Variants in BSG observed in about 807,000 individuals in gnomAD.
The protein encoded by BSG is basigin (Ok blood group), also known as basigin.
In BSG, 37 loss-of-function variants were observed where a neutral mutation model predicts 43.1. The ratio of observed to expected loss-of-function variants is 0.86; its 90% CI spans 0.66 to 1.13. The LOEUF (loss-of-function observed/expected upper bound fraction) is 1.13. Among genes scored for constraint, BSG ranks in the 50% most tolerant of loss-of-function variants. The pLI is 0.00. For missense variants in BSG, 599 were observed against 554.2 expected, an observed-to-expected ratio of 1.08 and a Z score of -0.81; for synonymous variants, 309 against 238.7, an observed-to-expected ratio of 1.29 and a Z score of -2.72.
rs1171561751 is a variant in BSG at position 582,409 on chromosome 19, C to T, written c.1094+79C>T. ...GCCTTTAAAACACAAAGGCAGAGCC[C>T]CTGGGCTTCAGTATTCGGGGGTCCT... is the stretch of plus-strand genomic sequence containing the variant. On this transcript the variant is annotated intron_variant, in intron 7 of 8. Coordinates refer to ENST00000333511, the MANE Select transcript of BSG (RefSeq NM_001728.4). 9.4e-6 allele frequency: 15 copies of T among 1,599,010 alleles called. No homozygotes were observed. In the East Asian group the frequency reaches 1.8e-4, roughly 19 times the overall value.
At chr19:577,105 C>G (rs534273085) in intron 1 of BSG, among the ~76,000 whole-genome samples, 1 of 152,294 alleles carries the variant, frequency 6.6e-6, no homozygotes, top group African/African-American at 2.4e-5. Context: ...GAGTGCTAGG[C>G]ACAGTGTGAG....
upstream of BSG, chr19:571,579 G>C: frequency 1.3e-6 from 1 of 779,528 alleles, no homozygotes; most frequent in East Asian, 2.4e-5. Flanking sequence ...CCCCAAGAAA[G>C]GTAACCGCCA....
chr19:572,592 C>CGGT (rs1487562628), upstream of BSG: 3 of 1,449,002 alleles, frequency 2.1e-6, no homozygotes, highest in Non-Finnish European at 2.7e-6. Flanking sequence ...CGGGCGGCGG[C>CGGT]GGCAGCGGTT....
At chr19:578,478 C>G (rs527988792) in intron 2 of BSG, among the ~76,000 whole-genome samples, 6 of 152,408 alleles carry the variant, frequency 3.9e-5, no homozygotes, top group African/African-American at 1.4e-4. Context: ...CCAAGCTCAG[C>G]CCAGGCTTGC....
Position 580,660 on chromosome 19 carries a change from A to G in BSG, c.670A>G (p.Lys224Glu). ...CCTCCTGTCAGGGCCTCCCAGAGTG[A>G]AGGCTGTGAAGTCGTCAGAACACAT... ...NIQLHGPPRV[K>E]AVKSSEHINE... Residue 224 changes from lysine (K) to glutamate (E), a missense_variant, in exon 5 of 9, where the codon AAG becomes GAG. By Grantham distance (56) the Lys-to-Glu change is moderately conservative (BLOSUM62 1). Coordinates refer to ENST00000333511, the MANE Select transcript of BSG (RefSeq NM_001728.4). The G allele has an allele frequency of 6.2e-7, 1 of 1,612,804 alleles. No homozygotes were observed. Among genetic ancestry groups the G allele is most frequent in the Non-Finnish European group, 8.5e-7 (1 of 1,179,938 alleles).
In BSG at chr19:582,502, C is replaced by T. The variant is rs750647954; in HGVS notation, c.1095-12C>T. 5.0e-6 allele frequency: 8 copies of T among 1,607,280 alleles called. No homozygotes were observed. In the South Asian group the frequency reaches 7.8e-5, roughly 16 times the overall value. On this transcript the variant is annotated splice_polypyrimidine_tract_variant and intron_variant, in intron 7 of 8. Transcript: ENST00000333511. Reference sequence around the variant, plus strand: ...CGGGGGACACCCTCTCACCCGGCCCCTCGTGCCCCAGGAAGAGCAGCGGGC... The same window carrying T: ...CGGGGGACACCCTCTCACCCGGCCCTTCGTGCCCCAGGAAGAGCAGCGGGC...
chr19:578,143 C>A, intron 2 of BSG, 22 bp downstream of exon 2: 2 of 1,508,146 alleles, frequency 1.3e-6, no homozygotes, highest in Non-Finnish European at 1.8e-6. Context: ...GCACCTCCCT[C>A]CCCGCCTCCC....
chr19:571,429 A>C (rs1357650787), upstream of BSG: 3 of 732,308 alleles, frequency 4.1e-6, no homozygotes, highest in Non-Finnish European at 7.5e-6. Flanking sequence ...CCCAATAGCG[A>C]CTTTTCTCAC....
chr19:573,501 T>C (rs1171949912), intron 1 of BSG, among the ~76,000 whole-genome samples: 1 of 152,178 alleles, frequency 6.6e-6, no homozygotes, highest in Non-Finnish European at 1.5e-5. Context: ...CCTGGCGTCT[T>C]GCCTAGGGCG....
chr19:580,356 T>TCACCTGCCTGCTGTGGTTGCA (rs765327178), intron 3 of BSG, 23 bp from the exon 4 acceptor site: 2 of 1,607,672 alleles, frequency 1.2e-6, no homozygotes, highest in Admixed American at 3.3e-5. Context: ...GGTACGCGGC[T>TCACCTGCCTGCTGTGGTTGCA]CACCTGCCTG....
upstream of BSG, chr19:572,521 CG>C (rs1335128883): frequency 5.7e-6 from 7 of 1,236,388 alleles, no homozygotes; most frequent in Non-Finnish European, 7.1e-6. Flanking sequence ...GCCCCGCCCC[CG>C]AGATGACGCC....
At chr19:579,232 G>A (rs1299554191) in intron 2 of BSG, 1 of 572,272 alleles carries the variant, frequency 1.7e-6, no homozygotes, top group Non-Finnish European at 3.3e-6. Context: ...CTTAGCCCAG[G>A]GCCCGCCAGC....
At chr19:574,400 A>C (rs918761611) in intron 1 of BSG, among the ~76,000 whole-genome samples, 4 of 152,042 alleles carry the variant, frequency 2.6e-5, no homozygotes, top group African/African-American at 9.7e-5. Context: ...AAAAATACAA[A>C]AAATTAGCCT....
In BSG at chr19:572,634, C is replaced by T. The variant is rs756456573; in HGVS notation, c.-1C>T. ...TGTAGGACCGGCGAGGAATAGGAAT[C>T]ATGGCGGCTGCGCTGTTCGTGCTGC... On this transcript the variant is annotated 5_prime_UTR_variant, in exon 1 of 9. Coordinates refer to ENST00000333511, the MANE Select transcript of BSG (RefSeq NM_001728.4). The T allele has an allele frequency of 5.1e-5, 76 of 1,499,666 alleles. 1 individual carries two copies. In the Middle Eastern group the frequency reaches 6.8e-4, roughly 14 times the overall value. The allele number at this position is 1,499,666 out of a possible 1,614,324, so 92.9% of individuals were successfully genotyped here. A position where few individuals can be genotyped will look rare whatever the true frequency, so the allele number is the denominator to read the frequency against.
chr19:580,081 G>T (rs980452742), intron 3 of BSG: 1 of 451,276 alleles, frequency 2.2e-6, no homozygotes, highest in African/African-American at 2.0e-5. Flanking sequence ...AGAGCCTTTT[G>T]TTTTCAGGCT....
At position 581,359 on chromosome 19, in the gene BSG, G is replaced by T. The variant is rs201497117; in HGVS notation, c.837G>T (p.Ser279=). The T allele has an allele frequency of 2.5e-6, 4 of 1,612,736 alleles. No individual in the cohort carries two copies. The highest frequency in any genetic ancestry group is 1.7e-5 in the Admixed American group (1 of 60,012). The part of the protein sequence containing the change: ...GSESRFFVSS[S]QGRSELHIEN... The stretch of plus-strand genomic sequence containing the variant: ...AGAGCAGGTTCTTCGTGAGTTCCTC[G>T]CAGGGCCGGTCAGAGCTACACATTG... The change falls in exon 6 of 9, where the codon TCG becomes TCT. Residue 279 remains serine, a synonymous_variant. Transcript: ENST00000333511.
At chr19:580,245 TC>T in intron 3 of BSG, 133 bp from the exon 4 acceptor site, 1 of 751,462 alleles carries the variant, frequency 1.3e-6, no homozygotes. Flanking sequence ...CCCCAGGAGT[TC>T]TTTTGAGGTT....
chr19:579,769 G>A (rs1982123596), intron 3 of BSG, 113 bp downstream of exon 3: 1 of 1,447,830 alleles, frequency 6.9e-7, no homozygotes, highest in African/African-American at 1.4e-5. Context: ...GATCCAGGCG[G>A]AAGTTAGGGA....
At chr19:574,391 A>C (rs1255008406) in intron 1 of BSG, among the ~76,000 whole-genome samples, 2 of 152,176 alleles carry the variant, frequency 1.3e-5, no homozygotes, top group Non-Finnish European at 2.9e-5. Flanking sequence ...GTCTCTACTA[A>C]AAATACAAAA....
Sources: gnomAD v4.1 joint callset for allele counts (sites outside exome capture counted in the v4.1 genomes callset) on GRCh38, gnomAD v4.1.1 for gene constraint, MANE v1.5 for transcripts, NCBI Gene and HGNC (gene_info 2026-07-23, HGNC 2026-07-21) for gene names.